The following DYNC2I1 variants were observed in gnomAD, a reference collection of about 807,000 sequenced individuals.
DYNC2I1 encodes dynein 2 intermediate chain 1.
Under a neutral mutation model 133.4 loss-of-function variants are expected in DYNC2I1, and 89 were observed. The ratio of observed to expected loss-of-function variants is 0.67; its 90% CI spans 0.56 to 0.80. DYNC2I1 has a LOEUF of 0.80. Among genes scored for constraint, DYNC2I1 ranks in the 30% least tolerant of loss-of-function variants. The pLI is 0.00. For synonymous variants in DYNC2I1, 504 were observed against 484.3 expected (o/e 1.04, Z -0.54); for missense variants, 1,291 against 1,314.5 (o/e 0.98, Z 0.28).
intron 24 of DYNC2I1, among the ~76,000 whole-genome samples, chr7:158,943,556 G>C (rs1025430140): frequency 6.6e-6 from 1 of 152,182 alleles, no homozygotes; most frequent in African/African-American, 2.4e-5. Context: ...TGAGGTCTGG[G>C]TGAAGGCAGC....
At chr7:158,888,313 G>A (rs760142884) in intron 7 of DYNC2I1, among the ~76,000 whole-genome samples, 13 of 151,742 alleles carry the variant, frequency 8.6e-5, no homozygotes, top group Non-Finnish European at 1.9e-4. Flanking sequence ...GTGAGCCACC[G>A]CACCCAGCCT....
chr7:158,918,146 A>G (rs1037255531), intron 14 of DYNC2I1, among the ~76,000 whole-genome samples: 5 of 152,042 alleles, frequency 3.3e-5, no homozygotes, highest in African/African-American at 1.2e-4. Context: ...CCCAATGAAC[A>G]CTTCCTGGCC....
chr7:158,853,689 T>C (rs1297705384), upstream of DYNC2I1, among the ~76,000 whole-genome samples: 1 of 151,552 alleles, frequency 6.6e-6, no homozygotes, highest in Non-Finnish European at 1.5e-5. Context: ...AGTTTTGCTC[T>C]TGTTGCCCAG....
chr7:158,901,704 A>C, intron 8 of DYNC2I1, 35 bp from the exon 9 acceptor site: 1 of 1,379,966 alleles, frequency 7.2e-7, no homozygotes, highest in Non-Finnish European at 1.0e-6. Context: ...TTTATGATTG[A>C]ATTTTTTGGT....
intron 3 of DYNC2I1, among the ~76,000 whole-genome samples, chr7:158,871,952 G>C (rs1238516690): frequency 6.6e-6 from 1 of 152,142 alleles, no homozygotes; most frequent in Admixed American, 6.6e-5. Flanking sequence ...GAAGTTAGAG[G>C]TTCCTGTTCT....
At chr7:158,876,734 C>A (rs1843393058) in intron 4 of DYNC2I1, 43 bp downstream of exon 4, 8 of 1,506,052 alleles carry the variant, frequency 5.3e-6, no homozygotes, top group Non-Finnish European at 7.1e-6. Flanking sequence ...CAAATGTTGC[C>A]AAGTAAAGGA....
chr7:158,907,685 C>T (rs946317786), intron 11 of DYNC2I1, among the ~76,000 whole-genome samples: 5 of 152,094 alleles, frequency 3.3e-5, no homozygotes, highest in African/African-American at 1.2e-4. Context: ...TCTTGGTTTG[C>T]TGCAGCCCTA....
At chr7:158,889,308 C>T (rs1197120718) in intron 7 of DYNC2I1, among the ~76,000 whole-genome samples, 1 of 151,826 alleles carries the variant, frequency 6.6e-6, no homozygotes, top group Non-Finnish European at 1.5e-5. Context: ...TCTCGATCTC[C>T]TGACCTCATG....
chr7:158,855,284 A>G (rs1841157976), upstream of DYNC2I1, among the ~76,000 whole-genome samples: 1 of 152,154 alleles, frequency 6.6e-6, no homozygotes, highest in African/African-American at 2.4e-5. Flanking sequence ...ATGAAATCAT[A>G]GGGAGTCAAA....
chr7:158,955,276 C>T (rs1445781721), intron 4 of DYNC2I1, among the ~76,000 whole-genome samples: 1 of 152,218 alleles, frequency 6.6e-6, no homozygotes, highest in African/African-American at 2.4e-5. Flanking sequence ...CACGCCTGCC[C>T]TTTGGCTGTT....
intron 5 of DYNC2I1, among the ~76,000 whole-genome samples, chr7:158,883,496 G>A (rs958989902): frequency 1.3e-5 from 2 of 151,556 alleles, no homozygotes; most frequent in African/African-American, 4.8e-5. Flanking sequence ...AGTGTTACAG[G>A]TGTGAGTCAT....
intron 21 of DYNC2I1, among the ~76,000 whole-genome samples, chr7:158,931,471 G>T (rs1850207919): frequency 6.6e-6 from 1 of 152,314 alleles, no homozygotes; most frequent in East Asian, 1.9e-4. Context: ...GTATTGCAGA[G>T]CCAAACATAC....
intron 11 of DYNC2I1, among the ~76,000 whole-genome samples, chr7:158,909,943 G>GA (rs1284104151): frequency 6.6e-6 from 1 of 152,186 alleles, no homozygotes; most frequent in Non-Finnish European, 1.5e-5. Context: ...GGAGGAGTGT[G>GA]AGGTGAAGGA....
chr7:158,899,878 C>T (rs1255082674), intron 8 of DYNC2I1, among the ~76,000 whole-genome samples: 3 of 152,130 alleles, frequency 2.0e-5, no homozygotes, highest in Non-Finnish European at 2.9e-5. Flanking sequence ...AGTGTGAAAA[C>T]GGACTAATAC....
At chr7:158,939,117 G>A (rs372472458) in intron 23 of DYNC2I1, among the ~76,000 whole-genome samples, 4 of 152,112 alleles carry the variant, frequency 2.6e-5, no homozygotes, top group African/African-American at 7.2e-5. Context: ...TCTAAGGTAA[G>A]TTGTTATCTC....
intron 20 of DYNC2I1, among the ~76,000 whole-genome samples, chr7:158,927,282 A>AGT (rs1475036380): frequency 6.6e-6 from 1 of 151,978 alleles, no homozygotes; most frequent in East Asian, 1.9e-4. Context: ...ACACACCTGT[A>AGT]GTCCCAACTG....
chr7:158,888,536 ATC>A lies in DYNC2I1; in HGVS notation c.990+1464_990+1465del, dbSNP rs1844847512. Among the ~76,000 whole-genome samples, 3 of 151,458 alleles carry A rather than the reference ATC, an allele frequency of 2.0e-5. No individual in the cohort carries two copies. In the South Asian group the frequency reaches 6.3e-4, roughly 32 times the overall value. On this transcript the variant is annotated intron_variant, in intron 7 of 24. Transcript: ENST00000407559. ...GCCCAGGCTGGAGTGCAGTGGCGTG[ATC>A]TCAGCTCACCTCAACCTCTGCCTCC... is the stretch of plus-strand genomic sequence containing the variant.
intron 11 of DYNC2I1, 76 bp downstream of exon 11, chr7:158,906,167 C>A: frequency 2.2e-6 from 3 of 1,355,316 alleles, no homozygotes; most frequent in South Asian, 1.3e-5. Context: ...TTTAAAAAAT[C>A]GAGTTTTAAA....
chr7:158,848,922 C>CA, the DYNC2I1 span, among the ~76,000 whole-genome samples: 18,438 of 140,180 alleles, frequency 0.13, 2,142 homozygotes, highest in East Asian at 0.5. Context: ...GACTCCGTTT[C>CA]AAAAAAAAAA....
Sources: allele counts gnomAD v4.1 joint callset (sites outside exome capture counted in the v4.1 genomes callset), GRCh38; gene constraint gnomAD v4.1.1; transcripts MANE v1.5; gene names NCBI Gene and HGNC (gene_info 2026-07-23, HGNC 2026-07-21).